The following MMP26 variants were observed in gnomAD, a reference collection of about 807,000 sequenced individuals.
The protein encoded by MMP26 is matrix metallopeptidase 26.
MMP26 carries 33 observed loss-of-function variants against 31.0 expected under a neutral mutation model. That is an observed-to-expected ratio of 1.06 (90% confidence interval 0.81 to 1.42). The LOEUF (loss-of-function observed/expected upper bound fraction) is 1.42, where lower values mean the gene tolerates loss of function less well. Ranked by LOEUF, MMP26 falls within the 40% of genes most tolerant of loss-of-function variation. The probability of loss-of-function intolerance (pLI) is 0.00; values close to 1 mark genes in which losing one functional copy is unlikely to be tolerated. For missense variants in MMP26, 347 were observed against 316.1 expected, an observed-to-expected ratio of 1.10 and a Z score of -0.74; for synonymous variants, 122 against 114.9, an observed-to-expected ratio of 1.06 and a Z score of -0.40.
chr11:4,760,416 G>A (rs1828115271), intron 1 of MMP26, among the ~76,000 whole-genome samples: 1 of 152,202 alleles, frequency 6.6e-6, no homozygotes, highest in African/African-American at 2.4e-5. Flanking sequence ...TGTACAAAGT[G>A]CATGATGACC....
chr11:4,804,244 A>G (rs1339212376), intron 2 of MMP26: 2 of 1,613,840 alleles, frequency 1.2e-6, no homozygotes, highest in Non-Finnish European at 1.7e-6. Flanking sequence ...GAGGAGAGTG[A>G]TATTTCCAAC....
At chr11:4,908,504 G>A in intron 2 of MMP26, 1 of 606,808 alleles carries the variant, frequency 1.6e-6, no homozygotes, top group Non-Finnish European at 2.9e-6. Context: ...ATAAGATATA[G>A]AGGTTTAATT....
intron 2 of MMP26, chr11:4,786,861 G>C (rs1848953846): frequency 6.6e-6 from 1 of 152,372 alleles, no homozygotes; most frequent in African/African-American, 2.4e-5. Context: ...TCTTCCTTCT[G>C]AGCACAGTTG....
Position 4,767,323 on chromosome 11 carries a change from T to C in MMP26, c.-163T>C, listed in dbSNP as rs1291054640. Reference sequence around the variant, plus strand: ...ATGCACTTTTGGATACTCTTTCAACTCAGAAGTCAACATAAAGGGTAAAAT... The same window carrying C: ...ATGCACTTTTGGATACTCTTTCAACCCAGAAGTCAACATAAAGGGTAAAAT... On this transcript the variant is annotated 5_prime_UTR_variant, in exon 2 of 8. Transcript: ENST00000380390. 1.3e-5 allele frequency: 2 copies of C among 152,150 alleles called. No homozygotes were observed. The highest frequency in any genetic ancestry group is 2.9e-5 in the Non-Finnish European group (2 of 68,022). 9.4% of individuals were successfully genotyped at this position (152,150 alleles called of 1,614,324 possible). A position where few individuals can be genotyped will look rare whatever the true frequency, so the allele number is the denominator to read the frequency against.
intron 1 of MMP26, among the ~76,000 whole-genome samples, chr11:4,724,963 C>G (rs77663315): frequency 0.029 from 4,388 of 152,298 alleles, 88 homozygotes; most frequent in Middle Eastern, 0.078. Flanking sequence ...GAGGTGGGGC[C>G]TGGTGGAAGG....
At chr11:4,874,107 C>A (rs2133529434) in intron 2 of MMP26, among the ~76,000 whole-genome samples, 1 of 152,130 alleles carries the variant, frequency 6.6e-6, no homozygotes, top group East Asian at 1.9e-4. Context: ...GTTGAAGTTT[C>A]AAATAAAATT....
intron 2 of MMP26, among the ~76,000 whole-genome samples, chr11:4,896,294 C>T (rs989638342): frequency 6.6e-6 from 1 of 152,090 alleles, no homozygotes; most frequent in African/African-American, 2.4e-5. Flanking sequence ...CAGTGCCCCA[C>T]GTCTGCTTGC....
chr11:4,836,325 G>T (rs986762391), intron 2 of MMP26, among the ~76,000 whole-genome samples: 1 of 151,888 alleles, frequency 6.6e-6, no homozygotes, highest in Non-Finnish European at 1.5e-5. Flanking sequence ...GTGGTGGTGA[G>T]CACCTGAGAT....
chr11:4,812,327 A>G (rs771713032), intron 2 of MMP26, among the ~76,000 whole-genome samples: 5 of 152,182 alleles, frequency 3.3e-5, no homozygotes, highest in African/African-American at 7.2e-5. Context: ...TTTGTACTAT[A>G]TAAAGAGATA....
intron 2 of MMP26, chr11:4,860,383 G>A (rs888019999): frequency 1.7e-5 from 8 of 471,044 alleles, no homozygotes; most frequent in African/African-American, 1.0e-4. Flanking sequence ...GAAGTAATAC[G>A]TGGGCTCATG....
At chr11:4,742,750 A>T (rs146705573) in intron 1 of MMP26, among the ~76,000 whole-genome samples, 2 of 152,188 alleles carry the variant, frequency 1.3e-5, no homozygotes, top group African/African-American at 4.8e-5. Context: ...GATGCTCTTT[A>T]TTCATTGGTA....
intron 2 of MMP26, among the ~76,000 whole-genome samples, chr11:4,773,294 T>A (rs139114743): frequency 4.0e-4 from 61 of 152,290 alleles, no homozygotes; most frequent in African/African-American, 1.5e-3. Flanking sequence ...ATATAAGATC[T>A]GTCTTTGGTG....
chr11:4,882,630 T>C, intron 2 of MMP26: 4 of 1,613,944 alleles, frequency 2.5e-6, no homozygotes, highest in Non-Finnish European at 3.4e-6. Context: ...AGCACTTGTG[T>C]CTGTCACATC....
chr11:4,981,271 A>G (rs1311618584), intron 2 of MMP26, among the ~76,000 whole-genome samples: 1 of 152,102 alleles, frequency 6.6e-6, no homozygotes, highest in Non-Finnish European at 1.5e-5. Context: ...ACAACGCTTA[A>G]TGATAGAGAT....
At chr11:4,736,207 G>T (rs1848238114) in intron 1 of MMP26, 1 of 152,146 alleles carries the variant, frequency 6.6e-6, no homozygotes, top group African/African-American at 2.4e-5. Flanking sequence ...CTACGGATCT[G>T]CTTGGTTTTC....
intron 2 of MMP26, chr11:4,803,377 T>G: frequency 8.5e-7 from 1 of 1,174,422 alleles, no homozygotes; most frequent in East Asian, 2.3e-5. Flanking sequence ...AAATGTTCAT[T>G]AATGTCCCCA....
chr11:4,979,608 T>A (rs1031459142), intron 2 of MMP26, among the ~76,000 whole-genome samples: 14 of 152,044 alleles, frequency 9.2e-5, no homozygotes, highest in African/African-American at 3.4e-4. Flanking sequence ...ATAAGTTAAT[T>A]CCAAAACAAA....
intron 1 of MMP26, among the ~76,000 whole-genome samples, chr11:4,718,384 T>A (rs924038956): frequency 1.3e-5 from 2 of 152,238 alleles, no homozygotes; most frequent in African/African-American, 4.8e-5. Flanking sequence ...TTTGTGCAAA[T>A]TCTGTATCCT....
chr11:4,710,835 C>T (rs925012642), intron 1 of MMP26: 7 of 174,006 alleles, frequency 4.0e-5, no homozygotes, highest in Non-Finnish European at 7.5e-5. Context: ...ATGTAGCTAT[C>T]CAAAGTAGAT....
Sources: allele counts gnomAD v4.1 joint callset (sites outside exome capture counted in the v4.1 genomes callset), GRCh38; gene constraint gnomAD v4.1.1; transcripts MANE v1.5; gene names NCBI Gene and HGNC (gene_info 2026-07-23, HGNC 2026-07-21).